Variants in CADM2 observed in about 807,000 individuals in gnomAD.
The protein encoded by CADM2 is immunoglobulin superfamily member 4D.
Under a neutral mutation model 49.8 loss-of-function variants are expected in CADM2, and 12 were observed. The ratio of observed to expected loss-of-function variants is 0.24; its 90% CI spans 0.15 to 0.39. CADM2 has a LOEUF of 0.39. CADM2 is among the 10% of genes least tolerant of loss of function. CADM2 has a pLI of 1.00. For missense variants in CADM2, 378 were observed against 492.3 expected (o/e 0.77, Z 2.20); for synonymous variants, 214 against 175.4 (o/e 1.22, Z -1.74).
At chr3:85,089,442 C>G (rs913166525) in intron 1 of CADM2, among the ~76,000 whole-genome samples, 13 of 152,074 alleles carry the variant, frequency 8.5e-5, no homozygotes, top group Non-Finnish European at 1.5e-4. Context: ...CATTTAAATT[C>G]TTTCCTCAGT....
At chr3:85,056,056 C>A (rs151095644) in intron 1 of CADM2, among the ~76,000 whole-genome samples, 2 of 152,050 alleles carry the variant, frequency 1.3e-5, no homozygotes, top group African/African-American at 4.8e-5. Context: ...TGAACAGTAG[C>A]ATTTTTATTC....
chr3:86,006,582 G>A (rs775560734), intron 8 of CADM2, among the ~76,000 whole-genome samples: 2 of 152,060 alleles, frequency 1.3e-5, no homozygotes, highest in African/African-American at 4.8e-5. Context: ...TTTTCTATTA[G>A]GAATAAGCTG....
intron 7 of CADM2, among the ~76,000 whole-genome samples, chr3:85,938,252 A>T (rs1721422264): frequency 1.3e-5 from 2 of 152,116 alleles, no homozygotes. Context: ...TGAGGCAGAA[A>T]GGACAAAAAA....
chr3:85,740,233 C>A (rs2068325831), intron 2 of CADM2, among the ~76,000 whole-genome samples: 1 of 152,140 alleles, frequency 6.6e-6, no homozygotes, highest in Non-Finnish European at 1.5e-5. Context: ...TGTACTATTG[C>A]TACTCATTTG....
At position 85,802,151 on chromosome 3, in the gene CADM2, T is replaced by G; in HGVS notation, c.193T>G (p.Trp65Gly). Residue 65 changes from tryptophan (W) to glycine (G), a missense_variant, in exon 3 of 10, where the codon TGG becomes GGG. Transcript: ENST00000383699. ...TCAAAATGATAACACCTCCCTCCAGTGGTCAAATCCAGCTCAACAGACTCT... is the reference window on the plus strand; with the variant it reads ...TCAAAATGATAACACCTCCCTCCAGGGGTCAAATCCAGCTCAACAGACTCT... The part of the protein sequence containing the change: ...VDQNDNTSLQ[W>G]SNPAQQTLYF... 1 of 1,613,184 alleles carries G rather than the reference T, an allele frequency of 6.2e-7. No individual in the cohort carries two copies. The highest frequency in any genetic ancestry group is 1.1e-5 in the South Asian group (1 of 90,964).
At chr3:85,649,885 C>G (rs569002741) in intron 1 of CADM2, among the ~76,000 whole-genome samples, 83 of 152,168 alleles carry the variant, frequency 5.5e-4, no homozygotes, top group Non-Finnish European at 1.0e-3. Context: ...ACAACCAGGT[C>G]TGTGCGAGAG....
intron 1 of CADM2, among the ~76,000 whole-genome samples, chr3:85,289,525 C>A (rs1164020874): frequency 6.6e-6 from 1 of 152,192 alleles, no homozygotes; most frequent in African/African-American, 2.4e-5. Context: ...CAAGCCCCAA[C>A]ATGAACCTTC....
intron 1 of CADM2, among the ~76,000 whole-genome samples, chr3:85,636,354 A>G (rs1168743642): frequency 3.9e-5 from 6 of 152,210 alleles, no homozygotes; most frequent in African/African-American, 7.2e-5. Context: ...GGTTACTTTT[A>G]AAAAATGAAA....
chr3:85,762,434 T>TC (rs1171809114), intron 2 of CADM2, among the ~76,000 whole-genome samples: 1 of 152,034 alleles, frequency 6.6e-6, no homozygotes, highest in East Asian at 1.9e-4. Context: ...TTTTTCCACC[T>TC]CCCCTTTCTC....
intron 1 of CADM2, among the ~76,000 whole-genome samples, chr3:85,629,918 T>G (rs575794891): frequency 6.6e-6 from 1 of 152,144 alleles, no homozygotes; most frequent in South Asian, 2.1e-4. Context: ...TTCATATGGT[T>G]GTTAAGAAAT....
intron 1 of CADM2, among the ~76,000 whole-genome samples, chr3:85,371,137 A>C (rs2033198884): frequency 6.6e-6 from 1 of 152,172 alleles, no homozygotes; most frequent in Non-Finnish European, 1.5e-5. Flanking sequence ...TTAATTTATT[A>C]TTAAAGATAG....
At chr3:85,919,599 A>T (rs1242920183) in intron 6 of CADM2, among the ~76,000 whole-genome samples, 1 of 151,954 alleles carries the variant, frequency 6.6e-6, no homozygotes, top group Non-Finnish European at 1.5e-5. Flanking sequence ...CTTGATGATT[A>T]TATCTCTATT....
intron 1 of CADM2, among the ~76,000 whole-genome samples, chr3:85,551,946 T>C (rs566155177): frequency 1.3e-5 from 2 of 152,302 alleles, no homozygotes; most frequent in South Asian, 4.1e-4. Flanking sequence ...AATTCCTAAA[T>C]TAATAATTAA....
chr3:85,485,994 T>C (rs1332726106), intron 1 of CADM2, among the ~76,000 whole-genome samples: 1 of 152,116 alleles, frequency 6.6e-6, no homozygotes, highest in Non-Finnish European at 1.5e-5. Flanking sequence ...AAACTTGTTC[T>C]TATTTGTTGC....
At position 85,215,357 on chromosome 3, in the gene CADM2, TTA is replaced by T. The variant is rs1491102890; in HGVS notation, c.61+255690_61+255691del. ...TTGCAACACCAAAGTTCTCTCTTTT[TTA>T]AAAAAAAAAAAAAAAAAAAAAAAGA... On this transcript the variant is annotated intron_variant, in intron 1 of 9. Transcript: ENST00000383699. Among the ~76,000 whole-genome samples the T allele has an allele frequency of 8.3e-3, 949 of 114,390 alleles. 4 individuals are homozygous for T. Among genetic ancestry groups the T allele is most frequent in the African/African-American group, 0.02 (574 of 29,160 alleles). The allele number at this position is 114,390 out of a possible 152,430, so 75.0% of individuals were successfully genotyped here.
chr3:85,535,450 A>G (rs982901404), intron 1 of CADM2, among the ~76,000 whole-genome samples: 2 of 152,102 alleles, frequency 1.3e-5, no homozygotes, highest in Admixed American at 6.5e-5. Flanking sequence ...TTCATTTTCT[A>G]TGTGGTTTGC....
rs192354096 is a variant in CADM2, at chr3:85,020,979, C to T, written c.61+61311C>T. Among the ~76,000 whole-genome samples the T allele has an allele frequency of 2.6e-3, 398 of 151,536 alleles. 5 individuals carry two copies. The highest frequency in any genetic ancestry group is 9.4e-3 in the African/African-American group (389 of 41,284). ...AGAAACGAAGCTGCTGGGCCAGGAG[C>T]CAGGGCTCACGACTGTAATTGCAGC... On this transcript the variant is annotated intron_variant, in intron 1 of 9. Coordinates refer to ENST00000383699, the MANE Select transcript of CADM2 (RefSeq NM_001167675.2).
At chr3:85,645,644 A>C (rs1172694155) in intron 1 of CADM2, among the ~76,000 whole-genome samples, 1 of 151,996 alleles carries the variant, frequency 6.6e-6, no homozygotes. Flanking sequence ...TATTAAAATT[A>C]ATCTTGGATA....
intron 1 of CADM2, among the ~76,000 whole-genome samples, chr3:85,145,976 A>G (rs1300928173): frequency 6.6e-6 from 1 of 152,204 alleles, no homozygotes; most frequent in Non-Finnish European, 1.5e-5. Flanking sequence ...TTAAGGAGAG[A>G]CAATAAAGAC....
Sources: allele counts gnomAD v4.1 joint callset (sites outside exome capture counted in the v4.1 genomes callset), GRCh38; gene constraint gnomAD v4.1.1; transcripts MANE v1.5; gene names NCBI Gene and HGNC (gene_info 2026-07-23, HGNC 2026-07-21).